The following PRICKLE2 variants were observed in gnomAD, a reference collection of about 807,000 sequenced individuals.
PRICKLE2 encodes the protein prickle-like protein 2.
A neutral mutation model predicts 81.4 loss-of-function variants in PRICKLE2; 21 were observed. The observed-to-expected ratio is 0.26, with a 90% CI of 0.18 to 0.37. The LOEUF (loss-of-function observed/expected upper bound fraction) is 0.37, where lower values mean the gene tolerates loss of function less well. Ranked by LOEUF, PRICKLE2 falls within the 10% of genes least tolerant of loss-of-function variation. The pLI is 1.00. For synonymous variants in PRICKLE2, 456 were observed against 421.5 expected (o/e 1.08, Z -1.00); for missense variants, 940 against 1,109.0 (o/e 0.85, Z 2.16).
chr3:64,192,336 G>A (rs1450134523), intron 2 of PRICKLE2, among the ~76,000 whole-genome samples: 1 of 152,136 alleles, frequency 6.6e-6, no homozygotes, highest in African/African-American at 2.4e-5. Context: ...GCCCTCCTGG[G>A]CCTTAAAGGA....
In PRICKLE2 at chr3:64,178,319, C is replaced by T. The variant is rs116722340; in HGVS notation, c.145-15190G>A. ...ATACCATGATTTTATTTCTGTCTCA[C>T]ACTGTATCCTCCTATAGGTAGGCAG... is the stretch of plus-strand genomic sequence containing the variant. On this transcript the variant is annotated intron_variant, in intron 2 of 7. Coordinates refer to ENST00000638394, the MANE Select transcript of PRICKLE2 (RefSeq NM_198859.4). Among the ~76,000 whole-genome samples the T allele has an allele frequency of 7.2e-3, 1,094 of 152,334 alleles. 9 individuals are homozygous for T. The highest frequency in any genetic ancestry group is 0.025 in the African/African-American group (1,022 of 41,572).
At chr3:64,245,666 G>A (rs1457343536) in intron 2 of PRICKLE2, among the ~76,000 whole-genome samples, 2 of 152,166 alleles carry the variant, frequency 1.3e-5, no homozygotes, top group Admixed American at 6.5e-5. Context: ...AGGCATGGGG[G>A]AGGATTCCTC....
At chr3:64,108,533 G>A (rs889378888) in intron 7 of PRICKLE2, among the ~76,000 whole-genome samples, 12 of 152,038 alleles carry the variant, frequency 7.9e-5, no homozygotes, top group African/African-American at 2.9e-4. Flanking sequence ...CTGGGGGTGG[G>A]GACAGAAAGA....
chr3:64,216,081 A>T (rs937854176), intron 1 of PRICKLE2, among the ~76,000 whole-genome samples: 1 of 152,256 alleles, frequency 6.6e-6, no homozygotes, highest in Non-Finnish European at 1.5e-5. Flanking sequence ...GTTTAACATT[A>T]GCTCCTGGGT....
intron 7 of PRICKLE2, among the ~76,000 whole-genome samples, chr3:64,110,022 TA>T (rs2076818117): frequency 1.3e-5 from 2 of 152,192 alleles, no homozygotes; most frequent in African/African-American, 4.8e-5. Flanking sequence ...AAACCACTTG[TA>T]AAAGTGAAGG....
intron 3 of PRICKLE2, among the ~76,000 whole-genome samples, chr3:64,161,791 A>G (rs909104107): frequency 2.6e-5 from 4 of 151,618 alleles, no homozygotes; most frequent in Non-Finnish European, 2.9e-5. Flanking sequence ...CCCAGAATAT[A>G]TGGTTACACC....
At chr3:64,172,846 G>C (rs911080406) in intron 2 of PRICKLE2, among the ~76,000 whole-genome samples, 2 of 152,204 alleles carry the variant, frequency 1.3e-5, no homozygotes, top group Non-Finnish European at 2.9e-5. Flanking sequence ...AGAAGAGGAA[G>C]AGATAACCAG....
chr3:64,115,168 C>A (rs1008098637), intron 7 of PRICKLE2, among the ~76,000 whole-genome samples: 1 of 152,196 alleles, frequency 6.6e-6, no homozygotes, highest in African/African-American at 2.4e-5. Context: ...TTTGTTCCCA[C>A]TAGACCTGCC....
At chr3:64,141,126 T>G (rs1288432647) in intron 7 of PRICKLE2, among the ~76,000 whole-genome samples, 2 of 152,218 alleles carry the variant, frequency 1.3e-5, no homozygotes, top group Admixed American at 1.3e-4. Flanking sequence ...GCCATTAGCA[T>G]GTCAGGTCAT....
chr3:64,226,505 T>C (rs780573898), upstream of PRICKLE2, among the ~76,000 whole-genome samples: 9 of 152,236 alleles, frequency 5.9e-5, no homozygotes, highest in Non-Finnish European at 1.3e-4. Context: ...CTCTATGCCA[T>C]GCACAGCTCT....
chr3:64,157,895 C>T (rs1428203401), intron 4 of PRICKLE2, among the ~76,000 whole-genome samples: 3 of 152,214 alleles, frequency 2.0e-5, no homozygotes, highest in Non-Finnish European at 2.9e-5. Context: ...TGCTTTTAGT[C>T]TGCTTCCTCT....
At chr3:64,110,839 G>A (rs970414073) in intron 7 of PRICKLE2, among the ~76,000 whole-genome samples, 1 of 151,670 alleles carries the variant, frequency 6.6e-6, no homozygotes. Flanking sequence ...AGTCCACTCT[G>A]GGTTTTAAAA....
intron 7 of PRICKLE2, among the ~76,000 whole-genome samples, chr3:64,108,496 G>T (rs2076790858): frequency 6.6e-6 from 1 of 152,226 alleles, no homozygotes; most frequent in African/African-American, 2.4e-5. Flanking sequence ...GGCATGGAAT[G>T]GCTCAAACAG....
At chr3:64,113,831 C>T (rs920117508) in intron 7 of PRICKLE2, among the ~76,000 whole-genome samples, 7 of 152,152 alleles carry the variant, frequency 4.6e-5, no homozygotes, top group African/African-American at 1.7e-4. Flanking sequence ...CTGCCCCAGC[C>T]AGCACCCTGC....
At position 64,223,955 on chromosome 3, in the gene PRICKLE2, C is replaced by T. The variant is rs115362516; in HGVS notation, c.-41+955G>A. ...GCAAAGCAAATCACAGCCTTACCAG[C>T]TGCAGATTCAGTACACGGCAGTCTA... On this transcript the variant is annotated intron_variant, in intron 1 of 7. Transcript: ENST00000638394. Among the ~76,000 whole-genome samples the T allele has an allele frequency of 2.5e-3, 378 of 152,318 alleles. 3 individuals carry two copies. The highest frequency in any genetic ancestry group is 7.5e-3 in the African/African-American group (312 of 41,548).
intron 7 of PRICKLE2, among the ~76,000 whole-genome samples, chr3:64,137,283 A>T (rs1361172242): frequency 6.6e-6 from 1 of 152,184 alleles, no homozygotes; most frequent in Non-Finnish European, 1.5e-5. Flanking sequence ...TTCCAAGAGA[A>T]ATGAAATGTT....
intron 2 of PRICKLE2, among the ~76,000 whole-genome samples, chr3:64,256,670 TAGA>T (rs1461470000): frequency 6.6e-6 from 1 of 152,200 alleles, no homozygotes; most frequent in Non-Finnish European, 1.5e-5. Flanking sequence ...TATAATCCTA[TAGA>T]AAAGTATGGC....
At chr3:64,102,621 G>T (rs1241611182) in intron 7 of PRICKLE2, 2 of 152,134 alleles carry the variant, frequency 1.3e-5, no homozygotes, top group African/African-American at 2.4e-5. Context: ...AGTAATAATA[G>T]AAATAAAGTA....
intron 2 of PRICKLE2, among the ~76,000 whole-genome samples, chr3:64,258,030 T>C (rs972715579): frequency 6.6e-6 from 1 of 152,180 alleles, no homozygotes. Context: ...TGCAGGCACC[T>C]TGATCTTGAA....
Sources: allele counts gnomAD v4.1 joint callset (sites outside exome capture counted in the v4.1 genomes callset), GRCh38; gene constraint gnomAD v4.1.1; transcripts MANE v1.5; gene names NCBI Gene and HGNC (gene_info 2026-07-23, HGNC 2026-07-21).